SH2D4B: variants seen among roughly 807,000 people sequenced by gnomAD.
SH2D4B encodes the protein SH2 domain-containing protein 4B.
SH2D4B carries 45 observed loss-of-function variants against 61.5 expected under a neutral mutation model. The observed-to-expected ratio is 0.73, with a 90% CI of 0.58 to 0.94. The LOEUF is 0.94. Ranked by LOEUF, SH2D4B falls within the 40% of genes least tolerant of loss-of-function variation. The pLI is 0.00. For synonymous variants in SH2D4B, 224 were observed against 220.4 expected, an observed-to-expected ratio of 1.02 and a Z score of -0.14; for missense variants, 572 against 574.2, an observed-to-expected ratio of 1.00 and a Z score of 0.04.
At chr10:80,562,020 C>T (rs1385934067) in intron 1 of SH2D4B, among the ~76,000 whole-genome samples, 3 of 143,746 alleles carry the variant, frequency 2.1e-5, no homozygotes, top group Non-Finnish European at 4.5e-5. Flanking sequence ...GCCACTCACT[C>T]TTCCAATTAC....
At chr10:80,638,939 C>T (rs1564532234) in intron 7 of SH2D4B, among the ~76,000 whole-genome samples, 2 of 152,174 alleles carry the variant, frequency 1.3e-5, no homozygotes, top group Non-Finnish European at 1.5e-5. Flanking sequence ...ATAAATTTCC[C>T]TCTACACACT....
intron 5 of SH2D4B, among the ~76,000 whole-genome samples, chr10:80,604,994 T>C (rs369385434): frequency 6.6e-6 from 1 of 152,168 alleles, no homozygotes; most frequent in East Asian, 1.9e-4. Flanking sequence ...GGGGTTTCAC[T>C]GTGTTAGCCA....
chr10:80,589,117 C>T (rs908157192), intron 4 of SH2D4B, among the ~76,000 whole-genome samples: 4 of 151,966 alleles, frequency 2.6e-5, no homozygotes, highest in African/African-American at 7.2e-5. Flanking sequence ...GATTCTCCTG[C>T]CTCAGCCTCC....
chr10:80,577,753 G>A (rs1259954767), intron 3 of SH2D4B, among the ~76,000 whole-genome samples: 3 of 151,766 alleles, frequency 2.0e-5, no homozygotes, highest in South Asian at 2.1e-4. Flanking sequence ...TAGTAGGGAC[G>A]GGGTTTCACC....
At chr10:80,643,937 G>A (rs1433903201) in intron 7 of SH2D4B, 56 bp from the exon 8 acceptor site, 1 of 1,339,980 alleles carries the variant, frequency 7.5e-7, no homozygotes, top group Non-Finnish European at 1.1e-6. Context: ...CTCTCTCATA[G>A]ATGTGTATTT....
At chr10:80,584,606 A>C (rs1842221703) in intron 3 of SH2D4B, among the ~76,000 whole-genome samples, 1 of 152,246 alleles carries the variant, frequency 6.6e-6, no homozygotes, top group South Asian at 2.1e-4. Context: ...GCAAGCTGTA[A>C]GTTTTAAAAC....
intron 1 of SH2D4B, among the ~76,000 whole-genome samples, chr10:80,568,897 G>T (rs1842004426): frequency 6.6e-6 from 1 of 152,164 alleles, no homozygotes; most frequent in Non-Finnish European, 1.5e-5. Context: ...AGTTCAGAAA[G>T]CATGGGGTCT....
chr10:80,558,308 T>C (rs1356067781), intron 1 of SH2D4B, among the ~76,000 whole-genome samples: 1 of 152,156 alleles, frequency 6.6e-6, no homozygotes, highest in Non-Finnish European at 1.5e-5. Context: ...AGAGAAAGTA[T>C]TCAGCTGTCA....
intron 5 of SH2D4B, among the ~76,000 whole-genome samples, chr10:80,605,203 G>A (rs955603952): frequency 6.6e-6 from 1 of 151,860 alleles, no homozygotes; most frequent in African/African-American, 2.4e-5. Flanking sequence ...TTATGCATGG[G>A]GTTCTGCACT....
At chr10:80,592,129 C>A (rs533175630) in intron 4 of SH2D4B, among the ~76,000 whole-genome samples, 9 of 152,228 alleles carry the variant, frequency 5.9e-5, no homozygotes, top group African/African-American at 2.2e-4. Flanking sequence ...ATTTGCATTT[C>A]CTTAATGACT....
At chr10:80,598,056 C>T (rs1232014500) in intron 4 of SH2D4B, among the ~76,000 whole-genome samples, 1 of 152,164 alleles carries the variant, frequency 6.6e-6, no homozygotes, top group Non-Finnish European at 1.5e-5. Context: ...AAGTTGTCAC[C>T]CGAAGCTACT....
At chr10:80,634,167 C>G (rs2132161893) in intron 6 of SH2D4B, 118 bp from the exon 7 acceptor site, 2 of 1,351,766 alleles carry the variant, frequency 1.5e-6, no homozygotes, top group East Asian at 2.5e-5. Flanking sequence ...CCACCCTGGA[C>G]TGTGTGGATG....
At chr10:80,632,523 G>A (rs1262641253) in intron 6 of SH2D4B, among the ~76,000 whole-genome samples, 4 of 152,082 alleles carry the variant, frequency 2.6e-5, no homozygotes, top group Non-Finnish European at 5.9e-5. Flanking sequence ...TCCAACCCTA[G>A]CCCCGCTACC....
intron 1 of SH2D4B, among the ~76,000 whole-genome samples, chr10:80,559,890 GC>G (rs372837626): frequency 6.6e-6 from 1 of 150,700 alleles, no homozygotes; most frequent in East Asian, 1.9e-4. Context: ...TCCCACCTTT[GC>G]CCCCCCAGAG....
At position 80,559,459 on chromosome 10, in the gene SH2D4B, A is replaced by G. The variant is rs141226263; in HGVS notation, c.185-10695A>G. On this transcript the variant is annotated intron_variant, in intron 1 of 7. Coordinates refer to ENST00000646907, the MANE Select transcript of SH2D4B (RefSeq NM_001388272.1). ...TTGAGACCTACTTTGGTGCCTTTCT[A>G]CAATCTTGCTCCCCATCTCTTATGC... Among the ~76,000 whole-genome samples, 59 of 152,248 alleles carry G rather than the reference A, an allele frequency of 3.9e-4. 1 individual carries two copies. The East Asian group carries it at 8.7e-3, about 22-fold the overall frequency.
chr10:80,606,060 GC>G (rs1285442919), intron 5 of SH2D4B, among the ~76,000 whole-genome samples: 1 of 152,066 alleles, frequency 6.6e-6, no homozygotes, highest in Non-Finnish European at 1.5e-5. Flanking sequence ...CAGTGAGAGG[GC>G]CCTCCTACCA....
At chr10:80,551,507 A>G (rs1272240552) in intron 1 of SH2D4B, among the ~76,000 whole-genome samples, 1 of 152,222 alleles carries the variant, frequency 6.6e-6, no homozygotes, top group Non-Finnish European at 1.5e-5. Flanking sequence ...CAACTAGCAA[A>G]AGACAAACAA....
Position 80,644,241 on chromosome 10 carries a change from TAGGGCTACTGGTCTC to T in SH2D4B, c.*158_*172del. On this transcript the variant is annotated 3_prime_UTR_variant, in exon 8 of 8. Coordinates refer to ENST00000646907, the MANE Select transcript of SH2D4B (RefSeq NM_001388272.1). ...CTCAAGGGATATGACATCTATGGCA[TAGGGCTACTGGTCTC>T]ATCCCAGCGATCGGGACAGAAATTG... 1.6e-6 allele frequency: 1 copy of T among 624,834 alleles called. No homozygotes were observed. The highest frequency in any genetic ancestry group is 2.8e-6 in the Non-Finnish European group (1 of 357,124). 38.7% of individuals were successfully genotyped at this position (624,834 alleles called of 1,614,324 possible).
intron 1 of SH2D4B, chr10:80,540,673 T>G (rs1841565672): frequency 1.5e-6 from 1 of 679,918 alleles, no homozygotes. Context: ...CACATTCACT[T>G]GTTCACTCAT....
Sources: allele counts gnomAD v4.1 joint callset (sites outside exome capture counted in the v4.1 genomes callset), GRCh38; gene constraint gnomAD v4.1.1; transcripts MANE v1.5; gene names NCBI Gene and HGNC (gene_info 2026-07-23, HGNC 2026-07-21).